The following MGAT4C variants were observed in gnomAD, a reference collection of about 807,000 sequenced individuals.
The protein encoded by MGAT4C is alpha-1,3-mannosyl-glycoprotein 4-beta-N-acetylglucosaminyltransferase C.
A neutral mutation model predicts 40.1 loss-of-function variants in MGAT4C; 19 were observed. The observed-to-expected ratio is 0.47, with a 90% CI of 0.33 to 0.70. The LOEUF (loss-of-function observed/expected upper bound fraction) is 0.70, where lower values mean the gene tolerates loss of function less well. MGAT4C is among the 30% of genes least tolerant of loss of function. The probability of loss-of-function intolerance (pLI) is 0.02; values close to 1 mark genes in which losing one functional copy is unlikely to be tolerated. For synonymous variants in MGAT4C, 181 were observed against 187.1 expected, an observed-to-expected ratio of 0.97 and a Z score of 0.27; for missense variants, 491 against 563.2, an observed-to-expected ratio of 0.87 and a Z score of 1.30.
intron 2 of MGAT4C, among the ~76,000 whole-genome samples, chr12:86,044,434 T>C (rs575086638): frequency 1.3e-4 from 20 of 152,272 alleles, no homozygotes; most frequent in African/African-American, 4.8e-4. Flanking sequence ...GGCTGCCAGC[T>C]TCTGTGCACA....
At chr12:86,293,427 GT>G (rs1953576735) in intron 4 of MGAT4C, among the ~76,000 whole-genome samples, 1 of 151,642 alleles carries the variant, frequency 6.6e-6, no homozygotes, top group South Asian at 2.1e-4. Flanking sequence ...ATTTCTTTCT[GT>G]TTTTAAAAAA....
At chr12:86,219,345 G>A (rs1031468096) in intron 1 of MGAT4C, among the ~76,000 whole-genome samples, 1 of 131,784 alleles carries the variant, frequency 7.6e-6, no homozygotes, top group African/African-American at 2.8e-5. Context: ...AATATGTTAT[G>A]AAAAAATGAT....
chr12:85,977,694 C>A lies in MGAT4C; in HGVS notation c.*1595G>T, dbSNP rs1884097003. On this transcript the variant is annotated 3_prime_UTR_variant, in exon 5 of 5. Coordinates refer to ENST00000611864, the MANE Select transcript of MGAT4C (RefSeq NM_001351288.2). Reference sequence around the variant, plus strand: ...TAGTGTTGTTTGCACCACAGCATACCAGTAAATCTTAAGGATTGTGTTTCA... The same window carrying A: ...TAGTGTTGTTTGCACCACAGCATACAAGTAAATCTTAAGGATTGTGTTTCA... The A allele has an allele frequency of 6.6e-6, 1 of 150,516 alleles. No individual in the cohort carries two copies. The highest frequency in any genetic ancestry group is 2.1e-4 in the South Asian group (1 of 4,782). The allele number at this position is 150,516 out of a possible 1,614,324, so 9.3% of individuals were successfully genotyped here. A position where few individuals can be genotyped will look rare whatever the true frequency, so the allele number is the denominator to read the frequency against.
In MGAT4C at chr12:86,836,750, C is replaced by G. The variant is rs374843322; in HGVS notation, c.-262+1916G>C. 2.3e-4 allele frequency among the ~76,000 whole-genome samples: 35 copies of G among 152,116 alleles called. No individual in the cohort carries two copies. The South Asian group carries it at 6.9e-3, about 30-fold the overall frequency. On this transcript the variant is annotated intron_variant, in intron 1 of 7. Coordinates refer to the MGAT4C transcript ENST00000548651. ...TTATATTCATCTAACATTCAAAAGGCAAATTAAAGAATATATTGCTAAACT... is the reference window on the plus strand; with the variant it reads ...TTATATTCATCTAACATTCAAAAGGGAAATTAAAGAATATATTGCTAAACT...
chr12:86,378,814 C>A (rs994763798), intron 3 of MGAT4C, among the ~76,000 whole-genome samples: 1 of 152,056 alleles, frequency 6.6e-6, no homozygotes, highest in Non-Finnish European at 1.5e-5. Flanking sequence ...GACGAAGTTG[C>A]AAGGTAACAG....
intron 2 of MGAT4C, among the ~76,000 whole-genome samples, chr12:86,006,466 C>G (rs1197364690): frequency 6.6e-6 from 1 of 152,104 alleles, no homozygotes; most frequent in Non-Finnish European, 1.5e-5. Flanking sequence ...CAAAAGATAA[C>G]TCAAAAAGAA....
At chr12:86,597,176 A>T (rs1961571079) in intron 2 of MGAT4C, among the ~76,000 whole-genome samples, 1 of 152,196 alleles carries the variant, frequency 6.6e-6, no homozygotes, top group Non-Finnish European at 1.5e-5. Flanking sequence ...GAAATCCTGG[A>T]CCAGGAACTG....
chr12:86,404,393 T>C (rs1225001125), intron 3 of MGAT4C, among the ~76,000 whole-genome samples: 3 of 152,152 alleles, frequency 2.0e-5, no homozygotes, highest in Admixed American at 6.6e-5. Context: ...TCTTTGCATA[T>C]GTGACTAAGG....
At position 85,975,578 on chromosome 12, in the gene MGAT4C, T is replaced by A. The variant is rs891674099; in HGVS notation, c.*3711A>T. ...GTCTGTATGAACCTTCTGTTTTGTC[T>A]CCCATGAAGACAAAAGGCATGCATA... is the stretch of plus-strand genomic sequence containing the variant. On this transcript the variant is annotated 3_prime_UTR_variant, in exon 5 of 5. Transcript: ENST00000611864. 6.6e-6 allele frequency: 1 copy of A among 150,840 alleles called. No individual in the cohort carries two copies. Among genetic ancestry groups the A allele is most frequent in the Non-Finnish European group, 1.5e-5 (1 of 67,102 alleles). The allele number at this position is 150,840 out of a possible 1,614,324, so 9.3% of individuals were successfully genotyped here. A position where few individuals can be genotyped will look rare whatever the true frequency, so the allele number is the denominator to read the frequency against.
intron 2 of MGAT4C, among the ~76,000 whole-genome samples, chr12:86,448,024 T>C (rs372647288): frequency 5.3e-5 from 8 of 152,310 alleles, no homozygotes; most frequent in African/African-American, 1.9e-4. Flanking sequence ...CAATGGTGCA[T>C]GATTGACATG....
intron 3 of MGAT4C, among the ~76,000 whole-genome samples, chr12:85,986,001 A>C (rs975907557): frequency 6.6e-6 from 1 of 152,204 alleles, no homozygotes; most frequent in African/African-American, 2.4e-5. Flanking sequence ...TATCCTTAAC[A>C]CATAAAATCT....
At chr12:86,329,145 T>A (rs182424163) in intron 4 of MGAT4C, among the ~76,000 whole-genome samples, 79 of 149,084 alleles carry the variant, frequency 5.3e-4, no homozygotes, top group African/African-American at 1.0e-3. Context: ...AATAAATAAA[T>A]AAAATAGAAC....
chr12:86,275,897 G>A (rs189724157), intron 4 of MGAT4C, among the ~76,000 whole-genome samples: 5 of 133,058 alleles, frequency 3.8e-5, no homozygotes, highest in Admixed American at 9.1e-5. Context: ...TCAGGAGATC[G>A]AGACCATTTT....
intron 4 of MGAT4C, among the ~76,000 whole-genome samples, chr12:86,279,536 C>T: frequency 6.6e-6 from 1 of 151,850 alleles, no homozygotes. Flanking sequence ...TTATTTGGGT[C>T]TCCTCTCTCT....
intron 2 of MGAT4C, among the ~76,000 whole-genome samples, chr12:86,566,750 G>GTGTC (rs1348555893): frequency 6.9e-6 from 1 of 145,538 alleles, no homozygotes; most frequent in Non-Finnish European, 1.5e-5. Flanking sequence ...CAATGTATCT[G>GTGTC]TGTGTGTGTG....
At chr12:86,546,080 A>G (rs1200702264) in intron 2 of MGAT4C, among the ~76,000 whole-genome samples, 1 of 152,004 alleles carries the variant, frequency 6.6e-6, no homozygotes, top group Admixed American at 6.6e-5. Flanking sequence ...TTTTTGAATT[A>G]TGGTCATAGT....
chr12:86,124,828 C>T (rs1461147700), intron 1 of MGAT4C, among the ~76,000 whole-genome samples: 1 of 152,064 alleles, frequency 6.6e-6, no homozygotes. Context: ...ATGGAGAAGA[C>T]ATAATGCTGA....
At chr12:86,444,139 TTA>T (rs1468848627) in intron 2 of MGAT4C, among the ~76,000 whole-genome samples, 1 of 152,226 alleles carries the variant, frequency 6.6e-6, no homozygotes. Context: ...CAACTCGCTT[TTA>T]TAGAACATCC....
intron 1 of MGAT4C, among the ~76,000 whole-genome samples, chr12:86,133,106 A>G (rs756000350): frequency 2.0e-5 from 3 of 152,302 alleles, no homozygotes; most frequent in Non-Finnish European, 2.9e-5. Flanking sequence ...TTTGTTTCAT[A>G]CCTATATTTG....
Sources: allele counts gnomAD v4.1 joint callset (sites outside exome capture counted in the v4.1 genomes callset), GRCh38; gene constraint gnomAD v4.1.1; transcripts MANE v1.5; gene names NCBI Gene and HGNC (gene_info 2026-07-23, HGNC 2026-07-21).